The following LDLRAD4 variants were observed in gnomAD, a reference collection of about 807,000 sequenced individuals.
LDLRAD4 encodes the protein low density lipoprotein receptor class A domain containing 4.
In LDLRAD4, 5 loss-of-function variants were observed where a neutral mutation model predicts 17.0. The ratio of observed to expected loss-of-function variants is 0.29; its 90% CI spans 0.15 to 0.62. LDLRAD4 has a LOEUF of 0.62. Ranked by LOEUF, LDLRAD4 falls within the 20% of genes least tolerant of loss-of-function variation. The pLI, the probability that LDLRAD4 is intolerant of heterozygous loss-of-function variation, is 0.84. For missense variants in LDLRAD4, 340 were observed against 424.7 expected, an observed-to-expected ratio of 0.80 and a Z score of 1.75; for synonymous variants, 168 against 171.8, an observed-to-expected ratio of 0.98 and a Z score of 0.17.
At chr18:13,408,172 G>A (rs937502388) in intron 2 of LDLRAD4, among the ~76,000 whole-genome samples, 3 of 151,996 alleles carry the variant, frequency 2.0e-5, no homozygotes, top group Admixed American at 1.3e-4. Context: ...CTGGGAGTTC[G>A]AGACCAGCTT....
Position 13,588,156 on chromosome 18 carries a change from G to A in LDLRAD4, c.182-32961G>A, listed in dbSNP as rs190082580. ...CATTGAGAAGCTTTGTGAAAATACT[G>A]TGAAAAGACAGAATTATTTTGGCTT... On this transcript the variant is annotated intron_variant, in intron 3 of 5. Coordinates refer to ENST00000359446, the Ensembl canonical transcript of LDLRAD4. Among the ~76,000 whole-genome samples, 10 of 152,326 alleles carry A rather than the reference G, an allele frequency of 6.6e-5. No individual in the cohort carries two copies. In the East Asian group the frequency reaches 1.9e-3, roughly 29 times the overall value.
chr18:13,351,621 A>G (rs1410284528), intron 1 of LDLRAD4, among the ~76,000 whole-genome samples: 2 of 152,168 alleles, frequency 1.3e-5, no homozygotes, highest in Admixed American at 6.6e-5. Context: ...TGAGGAATTA[A>G]TAGCCTACCA....
chr18:13,266,943 G>C (rs2044253456), intron 1 of LDLRAD4, among the ~76,000 whole-genome samples: 1 of 152,214 alleles, frequency 6.6e-6, no homozygotes, highest in South Asian at 2.1e-4. Context: ...TCGACTGAAG[G>C]CTAGATCTCC....
At chr18:13,297,459 G>A (rs2046337767) in intron 1 of LDLRAD4, among the ~76,000 whole-genome samples, 1 of 152,166 alleles carries the variant, frequency 6.6e-6, no homozygotes, top group South Asian at 2.1e-4. Flanking sequence ...TCAAAACACT[G>A]TCTCCTGAAT....
chr18:13,226,001 T>A (rs1371724980), intron 1 of LDLRAD4, among the ~76,000 whole-genome samples: 3 of 152,170 alleles, frequency 2.0e-5, no homozygotes, highest in Non-Finnish European at 2.9e-5. Context: ...ACTTTTTTTT[T>A]AGAAATTTAT....
At chr18:13,436,831 A>G (rs1258893472) in intron 2 of LDLRAD4, among the ~76,000 whole-genome samples, 1 of 152,150 alleles carries the variant, frequency 6.6e-6, no homozygotes, top group African/African-American at 2.4e-5. Flanking sequence ...GTGGGTGTGC[A>G]TTTGGGCTGT....
intron 1 of LDLRAD4, among the ~76,000 whole-genome samples, chr18:13,270,482 A>G (rs1345412525): frequency 1.3e-5 from 2 of 152,342 alleles, no homozygotes; most frequent in South Asian, 2.1e-4. Flanking sequence ...GCCTATTTGC[A>G]TTACCGCGTA....
chr18:13,650,415 A>G (rs2043194880), exon 6 of LDLRAD4: 2 of 398,588 alleles, frequency 5.0e-6, no homozygotes, highest in Non-Finnish European at 8.8e-6. Flanking sequence ...AGCTATAGAG[A>G]TTATATATAC....
Position 13,604,677 on chromosome 18 carries a change from A to G in LDLRAD4, c.182-16440A>G, listed in dbSNP as rs2095202650. Among the ~76,000 whole-genome samples, 4 of 152,346 alleles carry G rather than the reference A, an allele frequency of 2.6e-5. No homozygotes were observed. The South Asian group carries it at 6.2e-4, about 24-fold the overall frequency. On this transcript the variant is annotated intron_variant, in intron 3 of 5. Transcript: ENST00000359446. ...GAAAGTGAAAATTGTGATATATTTAAAAAGCAAAATAAAATATTTTCCTGA... is the reference window on the plus strand; with the variant it reads ...GAAAGTGAAAATTGTGATATATTTAGAAAGCAAAATAAAATATTTTCCTGA...
chr18:13,351,874 G>A (rs1408428026), intron 1 of LDLRAD4, among the ~76,000 whole-genome samples: 2 of 152,136 alleles, frequency 1.3e-5, no homozygotes, highest in African/African-American at 4.8e-5. Context: ...ATAAGATACT[G>A]GCAAACCGAA....
At chr18:13,491,581 A>AGTGT (rs1267434958) in intron 3 of LDLRAD4, 1 of 152,166 alleles carries the variant, frequency 6.6e-6, no homozygotes, top group Non-Finnish European at 1.5e-5. Flanking sequence ...GATTATATGT[A>AGTGT]GTGTTGGTGA....
At chr18:13,356,897 G>T (rs983687992) in intron 1 of LDLRAD4, among the ~76,000 whole-genome samples, 3 of 152,326 alleles carry the variant, frequency 2.0e-5, no homozygotes, top group Non-Finnish European at 4.4e-5. Flanking sequence ...ACTTTGGAAG[G>T]CCGAGGTGGA....
chr18:13,590,567 G>T (rs1164152162), intron 3 of LDLRAD4, among the ~76,000 whole-genome samples: 1 of 152,162 alleles, frequency 6.6e-6, no homozygotes, highest in Non-Finnish European at 1.5e-5. Flanking sequence ...AGTCCTCACT[G>T]GTGTCTTTTC....
At chr18:13,327,906 C>T (rs1441737102) in intron 1 of LDLRAD4, among the ~76,000 whole-genome samples, 1 of 152,106 alleles carries the variant, frequency 6.6e-6, no homozygotes, top group Non-Finnish European at 1.5e-5. Flanking sequence ...AAATTAAATC[C>T]TAAGCTCCCA....
intron 2 of LDLRAD4, among the ~76,000 whole-genome samples, chr18:13,411,620 C>T (rs891558449): frequency 9.2e-5 from 14 of 152,200 alleles, no homozygotes; most frequent in African/African-American, 3.1e-4. Flanking sequence ...TGCACACGCT[C>T]TCTTGCCTGC....
chr18:13,645,876 A>T lies in LDLRAD4; in HGVS notation c.*219A>T. 2 of 389,438 alleles carry T rather than the reference A, an allele frequency of 5.1e-6. No homozygotes were observed. Among genetic ancestry groups the T allele is most frequent in the East Asian group, 7.8e-5 (2 of 25,690 alleles). 24.1% of individuals were successfully genotyped at this position (389,438 alleles called of 1,614,324 possible). ...TCTGGTCTGACCGCAAACAGTGTTTATTTGGGGACAGGGGTTGGGATGGGG... is the reference window on the plus strand; with the variant it reads ...TCTGGTCTGACCGCAAACAGTGTTTTTTTGGGGACAGGGGTTGGGATGGGG... On this transcript the variant is annotated 3_prime_UTR_variant, in exon 6 of 6. Coordinates refer to ENST00000359446, the Ensembl canonical transcript of LDLRAD4. This position sits in a 1 kb window ranked among gnomAD's most constrained non-coding sequence, Gnocchi z 5.7.
chr18:13,460,200 G>GT (rs199893452), intron 3 of LDLRAD4, among the ~76,000 whole-genome samples: 5,852 of 151,948 alleles, frequency 0.039, 124 homozygotes, highest in Non-Finnish European at 0.056. Flanking sequence ...CTTTTATTTT[G>GT]TTTTTTTTAA....
At chr18:13,233,339 C>G (rs953410441) in intron 1 of LDLRAD4, among the ~76,000 whole-genome samples, 6 of 152,200 alleles carry the variant, frequency 3.9e-5, no homozygotes, top group African/African-American at 1.4e-4. Flanking sequence ...GACCCTCTGG[C>G]TTGCTCTTGG....
intron 1 of LDLRAD4, among the ~76,000 whole-genome samples, chr18:13,305,564 A>G (rs2046864210): frequency 6.6e-6 from 1 of 152,218 alleles, no homozygotes; most frequent in Admixed American, 6.5e-5. Context: ...GCAACATGGG[A>G]CCCAAACCCA....
Sources: allele counts gnomAD v4.1 joint callset (sites outside exome capture counted in the v4.1 genomes callset), GRCh38; gene constraint gnomAD v4.1.1; non-coding constraint Gnocchi (gnomAD v3.1); transcripts MANE v1.5; gene names NCBI Gene and HGNC (gene_info 2026-07-23, HGNC 2026-07-21).